REV3L: variants seen among roughly 807,000 people sequenced by gnomAD.
REV3L encodes the protein DNA polymerase zeta catalytic subunit.
REV3L carries 69 observed loss-of-function variants against 299.4 expected under a neutral mutation model. That is an observed-to-expected ratio of 0.23 (90% confidence interval 0.19 to 0.28). REV3L has a LOEUF of 0.28. REV3L is among the 10% of genes least tolerant of loss of function. REV3L has a pLI of 1.00. For synonymous variants in REV3L, 1,238 were observed against 1,271.4 expected (o/e 0.97, Z 0.56); for missense variants, 3,128 against 3,693.8 (o/e 0.85, Z 3.97).
intron 25 of REV3L, among the ~76,000 whole-genome samples, chr6:111,324,900 C>T (rs926482924): frequency 6.0e-5 from 9 of 151,038 alleles, no homozygotes; most frequent in Non-Finnish European, 7.4e-5. Flanking sequence ...CTCACTCTGT[C>T]GCCCAGGCTG....
intron 21 of REV3L, among the ~76,000 whole-genome samples, chr6:111,338,312 CTTTTTTT>C (rs144497761): frequency 1.9e-4 from 9 of 47,928 alleles, no homozygotes; most frequent in South Asian, 9.9e-4. Flanking sequence ...GTCTAAAGTC[CTTTTTTT>C]TTTTTTTTTT....
intron 15 of REV3L, among the ~76,000 whole-genome samples, 180 bp downstream of exon 15, chr6:111,365,082 CCAA>C (rs940593876): frequency 6.6e-6 from 1 of 150,718 alleles, no homozygotes; most frequent in Non-Finnish European, 1.5e-5. Context: ...CTTTTAGATC[CCAA>C]CATCAAAAAA....
At position 111,303,701 on chromosome 6, in the gene REV3L, C is replaced by CTTTTTTTTTTTT. The variant is rs58366929; in HGVS notation, c.9253-3557_9253-3546dup. Reference sequence around the variant, plus strand: ...TTTTTTTTTTTTTAACAGACTATGACTTTTTTTTTTTTTTTTTTTTTTTTT... The same window carrying CTTTTTTTTTTTT: ...TTTTTTTTTTTTTAACAGACTATGACTTTTTTTTTTTTTTTTTTTTTTTTTTTTTTTTTTTTT... On this transcript the variant is annotated intron_variant, in intron 31 of 31. Coordinates refer to ENST00000368802, the MANE Select transcript of REV3L (RefSeq NM_001372078.1). 7.9e-4 allele frequency among the ~76,000 whole-genome samples: 10 copies of CTTTTTTTTTTTT among 12,642 alleles called. 1 individual carries two copies. Among genetic ancestry groups the CTTTTTTTTTTTT allele is most frequent in the East Asian group, 0.017 (2 of 120 alleles). 8.3% of individuals were successfully genotyped at this position (12,642 alleles called of 152,430 possible).
chr6:111,367,735 C>T lies in REV3L; in HGVS notation c.6053G>A (p.Arg2018His), dbSNP rs547035450. The change falls in exon 14 of 32, where the codon CGT becomes CAT. Residue 2018 changes from arginine to histidine, a missense_variant. By Grantham distance (29) the Arg-to-His change is conservative (BLOSUM62 0). Around this residue, in one of 9 missense-constraint regions of REV3L, gnomAD observed 2,409 missense variants for 2,611.8 expected, o/e 0.92. Transcript: ENST00000368802. ...CTTGGTTTTAGGCAGTTTCTTGGAA[C>T]GTTCGTATTCTTCTTTGGCTTGAAG... ...VWLQAKEEYE[R>H]SKKLPKTKPT... 27 of 1,614,202 alleles carry T rather than the reference C, an allele frequency of 1.7e-5. No homozygotes were observed. The East Asian group carries it at 2.2e-4, about 13-fold the overall frequency.
At chr6:111,467,212 T>G (rs1791617271) in intron 1 of REV3L, among the ~76,000 whole-genome samples, 1 of 152,244 alleles carries the variant, frequency 6.6e-6, no homozygotes, top group Non-Finnish European at 1.5e-5. Flanking sequence ...CCTCGCAGTT[T>G]TCTAATACCT....
In REV3L at chr6:111,330,523, C is replaced by T. The variant is rs923055419; in HGVS notation, c.8035-785G>A. ...AAATCTCAGGTATAGGATATTCACA[C>T]ACCTGAATATTTAAAAAATCTTATT... On this transcript the variant is annotated intron_variant, in intron 24 of 31. Transcript: ENST00000368802. Among the ~76,000 whole-genome samples the T allele has an allele frequency of 1.4e-4, 21 of 152,116 alleles. 1 individual carries two copies. Among genetic ancestry groups the T allele is most frequent in the African/African-American group, 4.8e-4 (20 of 41,424 alleles).
At chr6:111,352,000 GTTTC>G (rs750894614) in intron 18 of REV3L, among the ~76,000 whole-genome samples, 290 of 151,156 alleles carry the variant, frequency 1.9e-3, no homozygotes, top group African/African-American at 5.6e-3. Context: ...AAGCTACTTT[GTTTC>G]TTTCTTTCTT....
At chr6:111,382,164 A>G (rs1226518890) in intron 9 of REV3L, among the ~76,000 whole-genome samples, 2 of 152,248 alleles carry the variant, frequency 1.3e-5, no homozygotes, top group Non-Finnish European at 2.9e-5. Flanking sequence ...CCATGTGGCC[A>G]TATGGAATCC....
chr6:111,425,518 A>G lies in REV3L; in HGVS notation c.140-9046T>C, dbSNP rs9481149. 3.6e-3 allele frequency among the ~76,000 whole-genome samples: 553 copies of G among 152,296 alleles called. 3 individuals carry two copies. The highest frequency in any genetic ancestry group is 0.013 in the African/African-American group (533 of 41,562). On this transcript the variant is annotated intron_variant, in intron 1 of 31. Transcript: ENST00000368802. Reference sequence around the variant, plus strand: ...AGCCCATGAAAATCACTGAAGAAATAAACTGCAGCAACAACAAAAATAAAC... The same window carrying G: ...AGCCCATGAAAATCACTGAAGAAATGAACTGCAGCAACAACAAAAATAAAC...
At chr6:111,448,534 A>C (rs1295432212) in intron 1 of REV3L, among the ~76,000 whole-genome samples, 1 of 152,022 alleles carries the variant, frequency 6.6e-6, no homozygotes, top group African/African-American at 2.4e-5. Flanking sequence ...GGTGTTGCCC[A>C]GGCTGGTCTT....
intron 1 of REV3L, among the ~76,000 whole-genome samples, chr6:111,467,161 T>C (rs1791608898): frequency 6.6e-6 from 1 of 152,216 alleles, no homozygotes; most frequent in African/African-American, 2.4e-5. Flanking sequence ...TTAAAATGTT[T>C]AAAATTATAT....
Position 111,467,705 on chromosome 6 carries a change from A to G in REV3L, c.139+15045T>C, listed in dbSNP as rs187368058. On this transcript the variant is annotated intron_variant, in intron 1 of 31. Coordinates refer to ENST00000368802, the MANE Select transcript of REV3L (RefSeq NM_001372078.1). ...GGTGTAAGTGATAATTTGAAGTACT[A>G]TATAGGAGAATATGCTTAGGTTATT... 1.8e-3 allele frequency among the ~76,000 whole-genome samples: 271 copies of G among 152,358 alleles called. 1 individual carries two copies. Among genetic ancestry groups the G allele is most frequent in the African/African-American group, 6.3e-3 (261 of 41,588 alleles).
intron 1 of REV3L, among the ~76,000 whole-genome samples, chr6:111,425,128 A>G (rs1332929676): frequency 6.6e-6 from 1 of 152,192 alleles, no homozygotes; most frequent in African/African-American, 2.4e-5. Context: ...TCTCTGGTCA[A>G]CCATTAACTG....
intron 1 of REV3L, among the ~76,000 whole-genome samples, chr6:111,420,039 G>T (rs1285058050): frequency 1.3e-5 from 2 of 152,078 alleles, no homozygotes; most frequent in African/African-American, 4.8e-5. Flanking sequence ...TAGAGACGGG[G>T]TTTCACCGTG....
chr6:111,478,325 G>A (rs1793188677), intron 1 of REV3L, among the ~76,000 whole-genome samples: 1 of 152,074 alleles, frequency 6.6e-6, no homozygotes, highest in Non-Finnish European at 1.5e-5. Context: ...AGCTTCTGGA[G>A]AGTAAAGCTG....
intron 4 of REV3L, among the ~76,000 whole-genome samples, chr6:111,393,984 T>C (rs964207985): frequency 1.3e-5 from 2 of 152,194 alleles, no homozygotes; most frequent in Admixed American, 1.3e-4. Flanking sequence ...TGGTAGAATA[T>C]AATTCCATTG....
At chr6:111,389,705 T>A (rs947842707) in intron 6 of REV3L, among the ~76,000 whole-genome samples, 1 of 151,758 alleles carries the variant, frequency 6.6e-6, no homozygotes, top group Admixed American at 6.6e-5. Flanking sequence ...TTCCTACTTT[T>A]TCTATTCCAT....
At chr6:111,418,463 T>C (rs978159694) in intron 1 of REV3L, among the ~76,000 whole-genome samples, 3 of 152,182 alleles carry the variant, frequency 2.0e-5, no homozygotes, top group South Asian at 2.1e-4. Context: ...TACCTTTCTA[T>C]TTATAGGCTT....
rs1374056604 is a variant in REV3L at position 111,376,775 on chromosome 6, A to G, written c.1598-18T>C. 1.3e-6 allele frequency: 2 copies of G among 1,512,464 alleles called. No individual in the cohort carries two copies. Among genetic ancestry groups the G allele is most frequent in the South Asian group, 2.7e-5 (2 of 75,224 alleles). The allele number at this position is 1,512,464 out of a possible 1,614,324, so 93.7% of individuals were successfully genotyped here. A position where few individuals can be genotyped will look rare whatever the true frequency, so the allele number is the denominator to read the frequency against. On this transcript the variant is annotated intron_variant, in intron 12 of 31. Coordinates refer to ENST00000368802, the MANE Select transcript of REV3L (RefSeq NM_001372078.1). ...TGGATTGTCTGAAATGAGGAGGGAAAAACAGTTTATTTCATTTTACTCTTT... is the reference window on the plus strand; with the variant it reads ...TGGATTGTCTGAAATGAGGAGGGAAGAACAGTTTATTTCATTTTACTCTTT...
Sources: gnomAD v4.1 joint callset for allele counts (sites outside exome capture counted in the v4.1 genomes callset) on GRCh38, gnomAD v4.1.1 for gene constraint, gnomAD v4.1.1 regional missense constraint, MANE v1.5 for transcripts, NCBI Gene and HGNC (gene_info 2026-07-23, HGNC 2026-07-21) for gene names.